Variants in MGAT4C observed in about 807,000 individuals in gnomAD.
MGAT4C encodes the protein alpha-1,3-mannosyl-glycoprotein 4-beta-N-acetylglucosaminyltransferase C.
In MGAT4C, 19 loss-of-function variants were observed where a neutral mutation model predicts 40.1. The observed-to-expected ratio is 0.47, with a 90% CI of 0.33 to 0.70. The LOEUF is 0.70. MGAT4C is among the 30% of genes least tolerant of loss of function. The pLI, the probability that MGAT4C is intolerant of heterozygous loss-of-function variation, is 0.02. For missense variants in MGAT4C, 491 were observed against 563.2 expected (o/e 0.87, Z 1.30); for synonymous variants, 181 against 187.1 (o/e 0.97, Z 0.27).
At chr12:86,446,226 C>T (rs1592857896) in intron 2 of MGAT4C, among the ~76,000 whole-genome samples, 3 of 151,850 alleles carry the variant, frequency 2.0e-5, no homozygotes, top group Admixed American at 1.3e-4. Context: ...AAGACAAGGA[C>T]CCATTTTTTC....
At chr12:86,649,439 C>T (rs1393920753) in intron 2 of MGAT4C, among the ~76,000 whole-genome samples, 2 of 151,528 alleles carry the variant, frequency 1.3e-5, no homozygotes, top group Non-Finnish European at 2.9e-5. Flanking sequence ...AGGTATTAGA[C>T]AATAATTTCT....
chr12:85,969,127 C>G lies in MGAT4C; in HGVS notation c.*10162G>C, dbSNP rs1295209472. On this transcript the variant is annotated 3_prime_UTR_variant, in exon 5 of 5. Transcript: ENST00000611864. Reference sequence around the variant, plus strand: ...GATTTACAGGGAAGAATTCAGTAGTCTGAAACACACATTTTCAATATATTG... The same window carrying G: ...GATTTACAGGGAAGAATTCAGTAGTGTGAAACACACATTTTCAATATATTG... The G allele has an allele frequency of 6.6e-6, 1 of 151,664 alleles. No homozygotes were observed. Among genetic ancestry groups the G allele is most frequent in the African/African-American group, 2.4e-5 (1 of 41,364 alleles). The allele number at this position is 151,664 out of a possible 1,614,324, so 9.4% of individuals were successfully genotyped here.
At chr12:86,586,896 G>C (rs1420103013) in intron 2 of MGAT4C, among the ~76,000 whole-genome samples, 2 of 151,906 alleles carry the variant, frequency 1.3e-5, no homozygotes, top group Non-Finnish European at 2.9e-5. Context: ...CTCCCATTTT[G>C]TGGGTTGCCT....
intron 1 of MGAT4C, among the ~76,000 whole-genome samples, chr12:86,085,866 T>C (rs567917594): frequency 1.3e-5 from 2 of 152,022 alleles, no homozygotes; most frequent in African/African-American, 2.4e-5. Context: ...GTTAGAATGA[T>C]GATCATTAAA....
chr12:86,477,509 G>A (rs1051295466), intron 2 of MGAT4C, among the ~76,000 whole-genome samples: 1 of 151,982 alleles, frequency 6.6e-6, no homozygotes, highest in African/African-American at 2.4e-5. Context: ...ATACACCCAG[G>A]TAACAAACGT....
At chr12:86,499,965 A>G (rs919613786) in intron 2 of MGAT4C, among the ~76,000 whole-genome samples, 2 of 151,868 alleles carry the variant, frequency 1.3e-5, no homozygotes, top group African/African-American at 4.8e-5. Context: ...ACCAATTTCT[A>G]TGAAAGGTGG....
At chr12:86,343,635 C>T (rs1265681434) in intron 3 of MGAT4C, among the ~76,000 whole-genome samples, 1 of 152,064 alleles carries the variant, frequency 6.6e-6, no homozygotes, top group Non-Finnish European at 1.5e-5. Flanking sequence ...AAAGACAAAC[C>T]TCACCTGGAT....
intron 1 of MGAT4C, among the ~76,000 whole-genome samples, chr12:86,830,840 T>C (rs1952912488): frequency 6.6e-6 from 1 of 151,840 alleles, no homozygotes; most frequent in East Asian, 1.9e-4. Context: ...GTGAAGGTTT[T>C]ATGTGCAATT....
At chr12:86,509,424 C>G (rs549371948) in intron 2 of MGAT4C, among the ~76,000 whole-genome samples, 4 of 152,284 alleles carry the variant, frequency 2.6e-5, no homozygotes, top group African/African-American at 9.6e-5. Context: ...ATCTATATCT[C>G]TGTTTTGGTA....
intron 2 of MGAT4C, among the ~76,000 whole-genome samples, chr12:86,440,278 CTA>C (rs1957203579): frequency 6.6e-6 from 1 of 152,030 alleles, no homozygotes; most frequent in Admixed American, 6.6e-5. Context: ...TGATAATTCA[CTA>C]TGATTATGTG....
chr12:86,494,623 A>T lies in MGAT4C; in HGVS notation c.-228-59358T>A, dbSNP rs894764301. The stretch of plus-strand genomic sequence containing the variant: ...ACCCCACAAACCATAGCAATCATTT[A>T]AAAAAAAAACGTGCTTTAAAATCTT... On this transcript the variant is annotated intron_variant, in intron 2 of 7. Coordinates refer to the MGAT4C transcript ENST00000548651. Among the ~76,000 whole-genome samples, 45 of 148,908 alleles carry T rather than the reference A, an allele frequency of 3.0e-4. 1 individual carries two copies. Among genetic ancestry groups the T allele is most frequent in the Non-Finnish European group, 6.0e-5 (4 of 66,850 alleles).
chr12:86,492,826 A>C (rs916935775), intron 2 of MGAT4C, among the ~76,000 whole-genome samples: 1 of 152,196 alleles, frequency 6.6e-6, no homozygotes, highest in African/African-American at 2.4e-5. Flanking sequence ...GAGCTTCTGC[A>C]CAGCAAAAGA....
intron 1 of MGAT4C, among the ~76,000 whole-genome samples, chr12:86,739,819 C>A (rs1054993751): frequency 6.7e-6 from 1 of 149,902 alleles, no homozygotes; most frequent in Non-Finnish European, 1.5e-5. Flanking sequence ...TGTGTGTGTG[C>A]GTGTGTGTGT....
At chr12:86,115,223 C>T (rs930860359) in intron 1 of MGAT4C, among the ~76,000 whole-genome samples, 3 of 151,640 alleles carry the variant, frequency 2.0e-5, no homozygotes, top group Non-Finnish European at 4.4e-5. Context: ...AGACAGGAGA[C>T]AAAGCTGAGT....
chr12:86,095,663 A>G (rs1483419742), intron 1 of MGAT4C, among the ~76,000 whole-genome samples: 1 of 150,930 alleles, frequency 6.6e-6, no homozygotes, highest in East Asian at 2.0e-4. Flanking sequence ...CTTGTAAGGA[A>G]TATTGGAACT....
intron 3 of MGAT4C, among the ~76,000 whole-genome samples, chr12:86,413,543 T>C (rs1956647023): frequency 6.6e-6 from 1 of 152,186 alleles, no homozygotes; most frequent in African/African-American, 2.4e-5. Flanking sequence ...TGGACCTGTG[T>C]GGAAGTTTTC....
At chr12:86,764,197 C>T (rs998822454) in intron 1 of MGAT4C, among the ~76,000 whole-genome samples, 2 of 152,148 alleles carry the variant, frequency 1.3e-5, no homozygotes, top group African/African-American at 4.8e-5. Context: ...AAAAACGGTG[C>T]ACCAGGAGAT....
At chr12:85,983,468 AT>A in intron 4 of MGAT4C, 54 bp downstream of exon 4, 1 of 1,408,506 alleles carries the variant, frequency 7.1e-7, no homozygotes, top group Non-Finnish European at 9.5e-7. Flanking sequence ...AACTATCATT[AT>A]TTTAATGCAA....
At chr12:86,348,662 T>C (rs904482935) in intron 3 of MGAT4C, among the ~76,000 whole-genome samples, 2 of 152,184 alleles carry the variant, frequency 1.3e-5, no homozygotes, top group African/African-American at 4.8e-5. Flanking sequence ...ATTTTACTCA[T>C]GTAGCTTTCT....
Sources: gnomAD v4.1 joint callset for allele counts (sites outside exome capture counted in the v4.1 genomes callset) on GRCh38, gnomAD v4.1.1 for gene constraint, MANE v1.5 for transcripts, NCBI Gene and HGNC (gene_info 2026-07-23, HGNC 2026-07-21) for gene names.